The following PCDH9 variants were observed in gnomAD, a reference collection of about 807,000 sequenced individuals.
The protein encoded by PCDH9 is protocadherin 9, also known as protocadherin-9.
PCDH9 carries 24 observed loss-of-function variants against 70.6 expected under a neutral mutation model. The ratio of observed to expected loss-of-function variants is 0.34; its 90% CI spans 0.25 to 0.48. PCDH9 has a LOEUF of 0.48. Among genes scored for constraint, PCDH9 ranks in the 20% least tolerant of loss-of-function variants. PCDH9 has a pLI of 0.99. For missense variants in PCDH9, 1,281 were observed against 1,503.6 expected (o/e 0.85, Z 2.45); for synonymous variants, 562 against 558.5 (o/e 1.01, Z -0.09).
chr13:67,169,946 A>G (rs958481585), intron 2 of PCDH9, among the ~76,000 whole-genome samples: 4 of 152,208 alleles, frequency 2.6e-5, no homozygotes, highest in African/African-American at 9.7e-5. Flanking sequence ...AATCTCTGGA[A>G]CCAGTTAGGT....
intron 4 of PCDH9, among the ~76,000 whole-genome samples, chr13:66,329,078 G>A (rs976812348): frequency 1.3e-5 from 2 of 152,062 alleles, no homozygotes; most frequent in Non-Finnish European, 2.9e-5. Context: ...TTTGCTTTAT[G>A]TTAACTATAG....
At chr13:66,630,116 C>A (rs1441457288) in intron 4 of PCDH9, among the ~76,000 whole-genome samples, 1 of 152,130 alleles carries the variant, frequency 6.6e-6, no homozygotes, top group African/African-American at 2.4e-5. Context: ...CAGTTTGGAG[C>A]ATGTTTAAGA....
intron 3 of PCDH9, among the ~76,000 whole-genome samples, chr13:66,642,984 C>T (rs1047707116): frequency 6.6e-6 from 1 of 151,714 alleles, no homozygotes; most frequent in Non-Finnish European, 1.5e-5. Context: ...ATAATAAAGG[C>T]AGTATGGTAT....
At chr13:66,835,666 T>A (rs2081005690) in intron 3 of PCDH9, among the ~76,000 whole-genome samples, 1 of 152,202 alleles carries the variant, frequency 6.6e-6, no homozygotes, top group East Asian at 1.9e-4. Context: ...CCAACAATTT[T>A]TTTTTATGCT....
chr13:66,775,196 G>A (rs1051029488), intron 3 of PCDH9, among the ~76,000 whole-genome samples: 1 of 152,204 alleles, frequency 6.6e-6, no homozygotes, highest in African/African-American at 2.4e-5. Flanking sequence ...GGGATAAAGA[G>A]ATTTATTAGT....
chr13:67,221,687 T>C (rs1319336689), intron 2 of PCDH9: 1 of 152,058 alleles, frequency 6.6e-6, no homozygotes, highest in Non-Finnish European at 1.5e-5. Context: ...TCATTTATCT[T>C]CCCTCTTCCC....
chr13:67,101,609 A>T (rs1387774063), intron 2 of PCDH9, among the ~76,000 whole-genome samples: 1 of 152,208 alleles, frequency 6.6e-6, no homozygotes, highest in Admixed American at 6.5e-5. Flanking sequence ...GTGTAACTCT[A>T]AAATATGGAA....
intron 4 of PCDH9, among the ~76,000 whole-genome samples, chr13:66,352,636 A>G (rs1324346889): frequency 6.6e-6 from 1 of 151,988 alleles, no homozygotes; most frequent in Non-Finnish European, 1.5e-5. Context: ...CCACCCTTTT[A>G]TATTCATTTA....
intron 4 of PCDH9, among the ~76,000 whole-genome samples, chr13:66,397,207 T>G (rs1028498024): frequency 6.6e-6 from 1 of 152,000 alleles, no homozygotes; most frequent in African/African-American, 2.4e-5. Flanking sequence ...TCATTTCAGA[T>G]TAGGAGCTCA....
intron 2 of PCDH9, among the ~76,000 whole-genome samples, chr13:67,154,289 A>C (rs901547758): frequency 6.6e-5 from 10 of 152,052 alleles, no homozygotes; most frequent in Admixed American, 5.9e-4. Flanking sequence ...ATGAAATTAG[A>C]TAAAAAGAAG....
At chr13:66,441,528 A>T (rs148714092) in intron 4 of PCDH9, among the ~76,000 whole-genome samples, 2 of 152,276 alleles carry the variant, frequency 1.3e-5, no homozygotes, top group Admixed American at 1.3e-4. Flanking sequence ...GATTTTTCTT[A>T]AATCATTGTA....
chr13:66,532,852 G>A, intron 4 of PCDH9, among the ~76,000 whole-genome samples: 1 of 152,056 alleles, frequency 6.6e-6, no homozygotes, highest in Non-Finnish European at 1.5e-5. Context: ...ACTGCCTGTT[G>A]TAGGACTTTG....
In PCDH9 at chr13:67,061,561, C is replaced by T. The variant is rs572539702; in HGVS notation, c.3037-157956G>A. Among the ~76,000 whole-genome samples the T allele has an allele frequency of 1.5e-4, 23 of 152,116 alleles. No individual in the cohort carries two copies. In the East Asian group the frequency reaches 4.3e-3, roughly 28 times the overall value. ...AAGGATTGGTTTAAAAATACATGTC[C>T]TTTCCAAAAATTTTACTTTTTAGTG... On this transcript the variant is annotated intron_variant, in intron 2 of 4. Transcript: ENST00000377865.
chr13:66,429,187 A>G (rs1957725164), intron 4 of PCDH9, among the ~76,000 whole-genome samples: 1 of 151,894 alleles, frequency 6.6e-6, no homozygotes, highest in South Asian at 2.1e-4. Flanking sequence ...GCAAAGAAGG[A>G]GACTGTATTT....
chr13:66,735,673 T>C (rs1161776242), intron 3 of PCDH9, among the ~76,000 whole-genome samples: 2 of 152,118 alleles, frequency 1.3e-5, no homozygotes, highest in Non-Finnish European at 2.9e-5. Flanking sequence ...TTAATAATTT[T>C]AAAGATTAGG....
intron 4 of PCDH9, among the ~76,000 whole-genome samples, chr13:66,489,147 T>C (rs1034408933): frequency 3.3e-5 from 5 of 152,208 alleles, no homozygotes; most frequent in African/African-American, 1.2e-4. Flanking sequence ...TCTTTAACTT[T>C]ATTTTTTTGA....
chr13:66,667,601 T>C (rs1459346706), intron 3 of PCDH9, among the ~76,000 whole-genome samples: 5 of 152,178 alleles, frequency 3.3e-5, no homozygotes, highest in Non-Finnish European at 7.3e-5. Flanking sequence ...TAGTAGCTTT[T>C]ATAACTCCTT....
intron 2 of PCDH9, among the ~76,000 whole-genome samples, chr13:67,157,013 T>C (rs953824074): frequency 2.0e-5 from 3 of 152,250 alleles, no homozygotes; most frequent in Non-Finnish European, 2.9e-5. Flanking sequence ...CAACATCATC[T>C]GTTAAATACT....
chr13:66,828,828 TAATAATAAC>T (rs2080871279), intron 3 of PCDH9, among the ~76,000 whole-genome samples: 1 of 142,432 alleles, frequency 7.0e-6, no homozygotes, highest in African/African-American at 2.5e-5. Context: ...ATAATAATAA[TAATAATAAC>T]AACAATGTGG....
Sources: gnomAD v4.1 joint callset for allele counts (sites outside exome capture counted in the v4.1 genomes callset) on GRCh38, gnomAD v4.1.1 for gene constraint, MANE v1.5 for transcripts, NCBI Gene and HGNC (gene_info 2026-07-23, HGNC 2026-07-21) for gene names.